The following PIGK variants were observed in gnomAD, a reference collection of about 807,000 sequenced individuals.
PIGK encodes the protein GPI-anchor transamidase.
Under a neutral mutation model 50.6 loss-of-function variants are expected in PIGK, and 42 were observed. The observed-to-expected ratio is 0.83, with a 90% CI of 0.65 to 1.07. PIGK has a LOEUF of 1.07. Ranked by LOEUF, PIGK falls within the 50% of genes least tolerant of loss-of-function variation. The probability of loss-of-function intolerance (pLI) is 0.00; values close to 1 mark genes in which losing one functional copy is unlikely to be tolerated. For synonymous variants in PIGK, 151 were observed against 156.0 expected, an observed-to-expected ratio of 0.97 and a Z score of 0.24; for missense variants, 448 against 488.7, an observed-to-expected ratio of 0.92 and a Z score of 0.78.
intron 3 of PIGK, among the ~76,000 whole-genome samples, chr1:77,205,925 T>C (rs540679347): frequency 6.6e-6 from 1 of 152,130 alleles, no homozygotes; most frequent in Non-Finnish European, 1.5e-5. Flanking sequence ...CACCTTCCTA[T>C]ATAGAGGCTA....
At chr1:77,117,057 G>A (rs756268141) in intron 10 of PIGK, among the ~76,000 whole-genome samples, 1 of 152,128 alleles carries the variant, frequency 6.6e-6, no homozygotes, top group East Asian at 1.9e-4. Flanking sequence ...TCCACTGACT[G>A]CAGACACCCA....
intron 9 of PIGK, among the ~76,000 whole-genome samples, chr1:77,131,266 A>G (rs1001937078): frequency 1.3e-5 from 2 of 151,756 alleles, no homozygotes; most frequent in Middle Eastern, 3.2e-3. Context: ...CCATGTAATG[A>G]TCTTTTATCT....
intron 3 of PIGK, among the ~76,000 whole-genome samples, chr1:77,198,697 G>A (rs1656089648): frequency 6.6e-6 from 1 of 151,746 alleles, no homozygotes; most frequent in African/African-American, 2.4e-5. Context: ...TGTTTATGGA[G>A]AAAAATTAAA....
At chr1:77,153,596 T>A (rs866895949) in intron 9 of PIGK, 1 of 151,948 alleles carries the variant, frequency 6.6e-6, no homozygotes, top group African/African-American at 2.4e-5. Flanking sequence ...AAATATCACA[T>A]GTACCCCAAA....
At chr1:77,118,728 C>G (rs113529548) in intron 10 of PIGK, among the ~76,000 whole-genome samples, 129 of 152,270 alleles carry the variant, frequency 8.5e-4, no homozygotes, top group African/African-American at 3.0e-3. Context: ...ATTGAATGAT[C>G]TTTTAATTTC....
At chr1:77,115,411 C>T (rs936904015) in intron 10 of PIGK, among the ~76,000 whole-genome samples, 4 of 150,366 alleles carry the variant, frequency 2.7e-5, no homozygotes, top group Non-Finnish European at 3.0e-5. Context: ...GTTCCACAGG[C>T]GGGGAGGAGT....
rs1421002191 is a variant in PIGK, at chr1:77,166,823, A to G, written c.383T>C (p.Val128Ala). 3 of 1,512,628 alleles carry G rather than the reference A, an allele frequency of 2.0e-6. No individual in the cohort carries two copies. Among genetic ancestry groups the G allele is most frequent in the Non-Finnish European group, 2.7e-6 (3 of 1,096,646 alleles). The allele number at this position is 1,512,628 out of a possible 1,614,324, so 93.7% of individuals were successfully genotyped here. ...AGTTAATACCCGTAAAAAATTCTCCACAGTTACCTAAGGGGGAAAAAACAA... is the reference window on the plus strand; with the variant it reads ...AGTTAATACCCGTAAAAAATTCTCCGCAGTTACCTAAGGGGGAAAAAACAA... Reference protein sequence around the residue: ...EVDYRSYEVTVENFLRVLTGR... With the variant: ...EVDYRSYEVTAENFLRVLTGR... Residue 128 changes from valine to alanine, a missense_variant, in exon 5 of 11, where the codon GTG becomes GCG. Transcript: ENST00000370812.
chr1:77,144,189 C>A (rs1654716381), intron 9 of PIGK, among the ~76,000 whole-genome samples: 1 of 151,852 alleles, frequency 6.6e-6, no homozygotes, highest in African/African-American at 2.4e-5. Flanking sequence ...ATAAGTAAGT[C>A]TGTTAACTCA....
Position 77,187,044 on chromosome 1 carries a change from A to G in PIGK, c.240-17649T>C, listed in dbSNP as rs148148968. 2.7e-3 allele frequency among the ~76,000 whole-genome samples: 418 copies of G among 152,320 alleles called. 1 individual carries two copies. Among genetic ancestry groups the G allele is most frequent in the African/African-American group, 9.3e-3 (385 of 41,568 alleles). On this transcript the variant is annotated intron_variant, in intron 3 of 10. Coordinates refer to ENST00000370812, the MANE Select transcript of PIGK (RefSeq NM_005482.3). ...CCTCACAAATGCCTTATCCACCGTC[A>G]TGGTATTTCACACATCATCACCTCT...
intron 3 of PIGK, among the ~76,000 whole-genome samples, chr1:77,189,736 TATATATATATATACACAC>T (rs1441463807): frequency 8.4e-4 from 27 of 32,150 alleles, no homozygotes; most frequent in African/African-American, 3.7e-3. Context: ...TATATATATA[TATATATATATATACACAC>T]ACACACACAC....
At chr1:77,110,806 T>C (rs1297921714) in intron 10 of PIGK, among the ~76,000 whole-genome samples, 1 of 152,110 alleles carries the variant, frequency 6.6e-6, no homozygotes, top group Admixed American at 6.6e-5. Flanking sequence ...AAGAAACTAC[T>C]ATCAGAGTGA....
At chr1:77,219,168 C>A in intron 1 of PIGK, 142 bp downstream of exon 1, 1 of 620,496 alleles carries the variant, frequency 1.6e-6, no homozygotes, top group Non-Finnish European at 2.9e-6. Context: ...CTAACCCGTG[C>A]CCAGTGATAC....
In PIGK at chr1:77,161,682, G is replaced by GT; in HGVS notation, c.613dup (p.Thr205AsnfsTer9). 1.3e-6 allele frequency: 2 copies of GT among 1,556,820 alleles called. No individual in the cohort carries two copies. The highest frequency in any genetic ancestry group is 1.1e-5 in the South Asian group (1 of 89,818). ...TTCATACATGGATGCTCCTTGGCAA[G>GT]TATCAATAATAAACAGTAGCTCATT... is the stretch of plus-strand genomic sequence containing the variant. On this transcript the variant is annotated frameshift_variant, in exon 7 of 11. Coordinates refer to ENST00000370812, the MANE Select transcript of PIGK (RefSeq NM_005482.3). LOFTEE classifies it high-confidence loss of function.
In PIGK at chr1:77,154,350, T is replaced by C. The variant is rs839832; in HGVS notation, c.986+99A>G. On this transcript the variant is annotated intron_variant, in intron 9 of 10. Coordinates refer to ENST00000370812, the MANE Select transcript of PIGK (RefSeq NM_005482.3). Reference sequence around the variant, plus strand: ...GACTGGGTATAAATGTGTAATTTTATTTACAAACACCAACTTTTGCCTCTT... The same window carrying C: ...GACTGGGTATAAATGTGTAATTTTACTTACAAACACCAACTTTTGCCTCTT... 817,377 of 819,888 alleles carry C rather than the reference T, an allele frequency of 1. 407,479 individuals carry two copies. Among genetic ancestry groups the C allele is most frequent in the Non-Finnish European group, 1 (511,772 of 511,796 alleles). 50.8% of individuals were successfully genotyped at this position (819,888 alleles called of 1,614,324 possible).
chr1:77,133,859 AC>A (rs1189287177), intron 9 of PIGK, among the ~76,000 whole-genome samples: 1 of 152,228 alleles, frequency 6.6e-6, no homozygotes, highest in East Asian at 1.9e-4. Flanking sequence ...TTTCTGACTT[AC>A]ATTTTTGGAC....
Position 77,110,927 on chromosome 1 carries a change from C to G in PIGK, c.1071+11348G>C, listed in dbSNP as rs544389558. Among the ~76,000 whole-genome samples the G allele has an allele frequency of 2.2e-3, 338 of 151,944 alleles. 1 individual carries two copies. Among genetic ancestry groups the G allele is most frequent in the African/African-American group, 7.8e-3 (324 of 41,484 alleles). On this transcript the variant is annotated intron_variant, in intron 10 of 10. Transcript: ENST00000370812. ...ACAAATTTACAAGAAAAAAACAACC[C>G]CATCAACAAGTGGGCAAAGGATATG...
intron 9 of PIGK, among the ~76,000 whole-genome samples, chr1:77,140,270 C>T (rs1654618088): frequency 6.6e-6 from 1 of 152,028 alleles, no homozygotes; most frequent in Non-Finnish European, 1.5e-5. Flanking sequence ...CTCTCTTGCA[C>T]TCTCTCCCAA....
chr1:77,132,894 T>C (rs1001605022), intron 9 of PIGK, among the ~76,000 whole-genome samples: 5 of 152,098 alleles, frequency 3.3e-5, no homozygotes, highest in Non-Finnish European at 7.4e-5. Context: ...TGTAATAATA[T>C]GTCAGTATTA....
intron 10 of PIGK, among the ~76,000 whole-genome samples, chr1:77,110,023 GAATAA>G (rs1557794274): frequency 6.6e-6 from 1 of 152,044 alleles, no homozygotes; most frequent in East Asian, 1.9e-4. Flanking sequence ...GCTTCAAAGA[GAATAA>G]AATACCTAGA....
Sources: allele counts gnomAD v4.1 joint callset (sites outside exome capture counted in the v4.1 genomes callset), GRCh38; gene constraint gnomAD v4.1.1; transcripts MANE v1.5; gene names NCBI Gene and HGNC (gene_info 2026-07-23, HGNC 2026-07-21).